The following WDR49 variants were observed in gnomAD, a reference collection of about 807,000 sequenced individuals.
WDR49 encodes WD repeat domain 49.
In WDR49, 107 loss-of-function variants were observed where a neutral mutation model predicts 119.5. The observed-to-expected ratio is 0.90, with a 90% confidence interval of 0.77 to 1.05. The LOEUF (loss-of-function observed/expected upper bound fraction) is 1.05. Among genes scored for constraint, WDR49 ranks in the 50% least tolerant of loss-of-function variants. The pLI is 0.00. For synonymous variants in WDR49, 425 were observed against 418.8 expected (o/e 1.01, Z -0.18); for missense variants, 1,240 against 1,220.5 (o/e 1.02, Z -0.24).
Position 167,621,568 on chromosome 3 carries a change from T to A in WDR49, c.682A>T (p.Lys228Ter). 1 of 1,535,572 alleles carries A rather than the reference T, an allele frequency of 6.5e-7. No individual in the cohort carries two copies. The highest frequency in any genetic ancestry group is 8.7e-7 in the Non-Finnish European group (1 of 1,146,470). ...LSKEEFACQY[K>*]LQGLKGTPIC... ...GGTGTTCCTTTCAGGCCTTGGAGTT[T>A]GTATTGGCAAGCAAATTCTTCTTTG... The change falls in exon 4 of 19, where the codon AAA (lysine) becomes TAA (stop). Residue 228 changes from lysine (K) to a stop codon, truncating the protein, a stop_gained. Coordinates refer to ENST00000682715, the MANE Select transcript of WDR49 (RefSeq NM_001366157.1). LOFTEE classifies it high-confidence loss of function.
chr3:167,506,033 C>T (rs1283383512), intron 16 of WDR49, among the ~76,000 whole-genome samples: 2 of 152,122 alleles, frequency 1.3e-5, no homozygotes, highest in Non-Finnish European at 2.9e-5. Context: ...AGACTTCAAC[C>T]TTAACAGCTA....
intron 16 of WDR49, among the ~76,000 whole-genome samples, chr3:167,521,326 A>T (rs7647919): frequency 0.18 from 28,106 of 152,068 alleles, 2,676 homozygotes; most frequent in African/African-American, 0.24. Context: ...CAGTGGGGTC[A>T]TCAAAGAACC....
intron 7 of WDR49, among the ~76,000 whole-genome samples, chr3:167,590,229 T>C (rs775553639): frequency 1.9e-4 from 29 of 152,136 alleles, no homozygotes; most frequent in Non-Finnish European, 2.8e-4. Context: ...TGTGGAACCA[T>C]TCTTGCAACC....
At chr3:167,568,591 C>A (rs905253340) in intron 8 of WDR49, among the ~76,000 whole-genome samples, 1 of 152,132 alleles carries the variant, frequency 6.6e-6, no homozygotes, top group Non-Finnish European at 1.5e-5. Flanking sequence ...TGGCAAGCAA[C>A]CACAGCTGCA....
At chr3:167,628,413 C>G (rs1479119009) in intron 2 of WDR49, among the ~76,000 whole-genome samples, 1 of 152,086 alleles carries the variant, frequency 6.6e-6, no homozygotes, top group African/African-American at 2.4e-5. Context: ...AAGTGCTATT[C>G]CTTTGAACAC....
Position 167,522,435 on chromosome 3 carries a change from G to GT in WDR49, c.2653dup (p.Thr885AsnfsTer2), listed in dbSNP as rs1245848000. ...TTGAATCTCACTTTCCACTAAATTAGTATCTCTTTTAGGAAGGAAAAGGCA... is the reference window on the plus strand; with the variant it reads ...TTGAATCTCACTTTCCACTAAATTAGTTATCTCTTTTAGGAAGGAAAAGGCA... On this transcript the variant is annotated frameshift_variant, in exon 16 of 19. Coordinates refer to ENST00000682715, the MANE Select transcript of WDR49 (RefSeq NM_001366157.1). LOFTEE classifies it high-confidence loss of function. 1 of 1,609,834 alleles carries GT rather than the reference G, an allele frequency of 6.2e-7. No individual in the cohort carries two copies. Among genetic ancestry groups the GT allele is most frequent in the Non-Finnish European group, 8.5e-7 (1 of 1,178,844 alleles).
chr3:167,652,845 G>T (rs1349947761), intron 2 of WDR49, among the ~76,000 whole-genome samples: 1 of 152,068 alleles, frequency 6.6e-6, no homozygotes, highest in East Asian at 1.9e-4. Context: ...TTTGCAAACT[G>T]GGTATGCATA....
intron 7 of WDR49, among the ~76,000 whole-genome samples, chr3:167,586,186 C>G (rs538807043): frequency 1.1e-4 from 16 of 152,240 alleles, no homozygotes; most frequent in African/African-American, 3.9e-4. Context: ...GATTAGTGGC[C>G]TCGGGGAGAA....
chr3:167,536,048 G>C (rs951564593), intron 11 of WDR49, among the ~76,000 whole-genome samples: 2 of 152,210 alleles, frequency 1.3e-5, no homozygotes, highest in African/African-American at 4.8e-5. Flanking sequence ...CATAAAAGCA[G>C]AGTAGAACAG....
chr3:167,526,842 C>G (rs1752650828), intron 15 of WDR49, among the ~76,000 whole-genome samples: 1 of 152,102 alleles, frequency 6.6e-6, no homozygotes, highest in South Asian at 2.1e-4. Context: ...TGCCTACTCT[C>G]CTGGCATAAG....
chr3:167,651,510 G>A (rs1718378013), intron 2 of WDR49, among the ~76,000 whole-genome samples: 1 of 152,018 alleles, frequency 6.6e-6, no homozygotes, highest in African/African-American at 2.4e-5. Flanking sequence ...TGGCTCAAAG[G>A]TCTAACTTTT....
upstream of WDR49, among the ~76,000 whole-genome samples, chr3:167,656,122 G>C (rs1164353778): frequency 6.6e-6 from 1 of 152,176 alleles, no homozygotes; most frequent in Non-Finnish European, 1.5e-5. Flanking sequence ...AAGGGAAAGA[G>C]TGGCATTATA....
At chr3:167,500,846 T>C (rs1442317031) in intron 17 of WDR49, among the ~76,000 whole-genome samples, 2 of 152,246 alleles carry the variant, frequency 1.3e-5, no homozygotes, top group African/African-American at 4.8e-5. Context: ...CTTTGCTTCA[T>C]GTAGTAATTG....
chr3:167,592,904 C>T (rs952130634), intron 7 of WDR49, among the ~76,000 whole-genome samples: 1 of 152,010 alleles, frequency 6.6e-6, no homozygotes, highest in Non-Finnish European at 1.5e-5. Context: ...AGTTATTTTC[C>T]TTCAGAACTT....
intron 3 of WDR49, among the ~76,000 whole-genome samples, chr3:167,625,923 CAAA>C (rs755478227): frequency 1.6e-3 from 124 of 77,202 alleles, no homozygotes; most frequent in Middle Eastern, 7.9e-3. Flanking sequence ...CCAAAATTTG[CAAA>C]AAAAAAAAAA....
chr3:167,627,560 A>G (rs1369924384), intron 2 of WDR49, among the ~76,000 whole-genome samples: 2 of 152,046 alleles, frequency 1.3e-5, no homozygotes, highest in African/African-American at 2.4e-5. Context: ...AGAATATGTG[A>G]TGATAGAAGC....
chr3:167,614,183 C>G (rs768031339), intron 5 of WDR49, among the ~76,000 whole-genome samples: 5 of 152,048 alleles, frequency 3.3e-5, no homozygotes, highest in Non-Finnish European at 7.4e-5. Flanking sequence ...CTCACTGCAA[C>G]CCCCACCTCC....
At chr3:167,514,957 C>A (rs1236426469) in intron 16 of WDR49, among the ~76,000 whole-genome samples, 1 of 152,002 alleles carries the variant, frequency 6.6e-6, no homozygotes, top group African/African-American at 2.4e-5. Flanking sequence ...CCTGAAGAGG[C>A]CAGTAATGAG....
intron 13 of WDR49, among the ~76,000 whole-genome samples, chr3:167,530,326 A>T: frequency 6.6e-6 from 1 of 152,092 alleles, no homozygotes; most frequent in Non-Finnish European, 1.5e-5. Flanking sequence ...GTTAAGAAAA[A>T]TATACCCTGA....
Sources: allele counts gnomAD v4.1 joint callset (sites outside exome capture counted in the v4.1 genomes callset), GRCh38; gene constraint gnomAD v4.1.1; transcripts MANE v1.5; gene names NCBI Gene and HGNC (gene_info 2026-07-23, HGNC 2026-07-21).